The following KSR1 variants were observed in gnomAD, a reference collection of about 807,000 sequenced individuals.
KSR1 encodes kinase suppressor of ras 1.
A neutral mutation model predicts 92.9 loss-of-function variants in KSR1; 35 were observed. The ratio of observed to expected loss-of-function variants is 0.38; its 90% CI spans 0.29 to 0.50. The LOEUF is 0.50. Among genes scored for constraint, KSR1 ranks in the 20% least tolerant of loss-of-function variants. KSR1 has a pLI of 0.94. For missense variants in KSR1, 972 were observed against 1,158.5 expected (o/e 0.84, Z 2.34); for synonymous variants, 467 against 472.6 (o/e 0.99, Z 0.15).
intron 20 of KSR1, chr17:27,622,051 C>T (rs2074238629): frequency 1.1e-6 from 1 of 923,394 alleles, no homozygotes; most frequent in Admixed American, 1.9e-5. Context: ...GATGCCACCT[C>T]TGCTGCTCCA....
rs142770586 is a variant in KSR1 at position 27,621,350 on chromosome 17, C to T, written c.2708+77C>T. The T allele has an allele frequency of 9.4e-4, 374 of 398,208 alleles. 2 individuals carry two copies. Among genetic ancestry groups the T allele is most frequent in the Non-Finnish European group, 1.4e-3 (324 of 225,914 alleles). The allele number at this position is 398,208 out of a possible 1,614,324, so 24.7% of individuals were successfully genotyped here. ...ACAAGCCCTGCTTCCTTTCTGTCGC[C>T]GCTTCCCAGCTTCTCCCATCTTTGT... On this transcript the variant is annotated intron_variant, in intron 20 of 20. Coordinates refer to ENST00000644974, the MANE Select transcript of KSR1 (RefSeq NM_001394583.1).
rs186819864 is a variant in KSR1, at chr17:27,529,398, C to T, written c.232-21170C>T. The stretch of plus-strand genomic sequence containing the variant: ...ACTTCCGTGAATAGGCTTATGCTTA[C>T]ACTTAATTGTTTCTTTAGGATAAAT... On this transcript the variant is annotated intron_variant, in intron 1 of 20. Coordinates refer to ENST00000644974, the MANE Select transcript of KSR1 (RefSeq NM_001394583.1). Among the ~76,000 whole-genome samples the T allele has an allele frequency of 3.3e-5, 5 of 152,334 alleles. No individual in the cohort carries two copies. The East Asian group carries it at 5.8e-4, about 18-fold the overall frequency.
At chr17:27,485,244 G>A (rs2068631293) in intron 1 of KSR1, among the ~76,000 whole-genome samples, 1 of 152,206 alleles carries the variant, frequency 6.6e-6, no homozygotes, top group Admixed American at 6.5e-5. Context: ...GTGTCCACAT[G>A]TGGGCTGATG....
At chr17:27,579,844 C>A (rs1391979210) in intron 3 of KSR1, 1 of 121,528 alleles carries the variant, frequency 8.2e-6, no homozygotes, top group African/African-American at 3.2e-5. Flanking sequence ...CCACTGCACT[C>A]CAGCCTTGGT....
chr17:27,558,948 C>G (rs2071716329), intron 2 of KSR1, among the ~76,000 whole-genome samples: 1 of 152,106 alleles, frequency 6.6e-6, no homozygotes, highest in African/African-American at 2.4e-5. Flanking sequence ...TGATTTTTCC[C>G]TTAGGAAAAC....
At chr17:27,512,967 C>T (rs2069656363) in intron 1 of KSR1, among the ~76,000 whole-genome samples, 1 of 152,180 alleles carries the variant, frequency 6.6e-6, no homozygotes. Flanking sequence ...TCTTCTCTTA[C>T]TGCCACGCAC....
intron 2 of KSR1, chr17:27,560,367 G>A (rs753702377): frequency 5.6e-5 from 29 of 517,542 alleles, no homozygotes; most frequent in Admixed American, 2.3e-4. Flanking sequence ...GGGTGCTGCA[G>A]AGTCTGGGAT....
chr17:27,550,509 C>T (rs1191418904), intron 1 of KSR1, 59 bp from the exon 2 acceptor site: 4 of 754,774 alleles, frequency 5.3e-6, no homozygotes, highest in South Asian at 1.4e-5. Context: ...TGTGCTTGGG[C>T]CTGCCATATG....
chr17:27,592,661 G>T (rs372874289), intron 9 of KSR1, 35 bp downstream of exon 9: 2 of 1,563,086 alleles, frequency 1.3e-6, no homozygotes, highest in Non-Finnish European at 1.7e-6. Context: ...ACGCCCTTCT[G>T]CCACTGGCCT....
chr17:27,604,244 G>A (rs1441078653), intron 12 of KSR1, among the ~76,000 whole-genome samples: 3 of 152,146 alleles, frequency 2.0e-5, no homozygotes, highest in Non-Finnish European at 2.9e-5. Flanking sequence ...CACCCTCAGC[G>A]CGGTGGTAGG....
At chr17:27,585,592 G>A (rs377737655) in intron 4 of KSR1, 65 bp from the exon 5 acceptor site, 8 of 730,102 alleles carry the variant, frequency 1.1e-5, no homozygotes, top group Non-Finnish European at 1.8e-5. Flanking sequence ...CAAGGGTAGT[G>A]TTCTAGGAAC....
At chr17:27,571,357 C>T (rs556115874) in intron 2 of KSR1, among the ~76,000 whole-genome samples, 1 of 152,354 alleles carries the variant, frequency 6.6e-6, no homozygotes, top group East Asian at 1.9e-4. Context: ...CTCCATGAGC[C>T]CCAATGGTGG....
chr17:27,475,543 G>T lies in KSR1; in HGVS notation c.231+18669G>T, dbSNP rs1456549958. Among the ~76,000 whole-genome samples, 5 of 152,138 alleles carry T rather than the reference G, an allele frequency of 3.3e-5. No homozygotes were observed. In the East Asian group the frequency reaches 7.7e-4, roughly 23 times the overall value. On this transcript the variant is annotated intron_variant, in intron 1 of 20. Transcript: ENST00000644974. ...TGGGTGAGCCATGTTTATTCATCCA[G>T]CAGCTTTTACAGAGCTCCCACGGCA...
intron 1 of KSR1, among the ~76,000 whole-genome samples, chr17:27,487,078 T>C (rs145414705): frequency 6.6e-6 from 1 of 152,180 alleles, no homozygotes; most frequent in Non-Finnish European, 1.5e-5. Context: ...ACCTCCCTTA[T>C]ACTGTGTTAG....
chr17:27,508,362 A>G (rs148873169), intron 1 of KSR1, among the ~76,000 whole-genome samples: 1 of 152,228 alleles, frequency 6.6e-6, no homozygotes, highest in Non-Finnish European at 1.5e-5. Flanking sequence ...GGGAACTTTT[A>G]TCATCCCTCT....
chr17:27,552,673 T>TG (rs1021626194), intron 2 of KSR1, among the ~76,000 whole-genome samples: 2 of 152,218 alleles, frequency 1.3e-5, no homozygotes, highest in Non-Finnish European at 2.9e-5. Flanking sequence ...ATTTCTTAGA[T>TG]GCAGTAGCAC....
intron 1 of KSR1, among the ~76,000 whole-genome samples, chr17:27,499,829 A>G (rs2069114040): frequency 6.6e-6 from 1 of 152,260 alleles, no homozygotes; most frequent in African/African-American, 2.4e-5. Context: ...CCACCACCAA[A>G]GCAGAGGGGG....
chr17:27,590,103 G>C (rs1324735321), intron 6 of KSR1, among the ~76,000 whole-genome samples: 2 of 152,200 alleles, frequency 1.3e-5, no homozygotes, highest in Non-Finnish European at 2.9e-5. Flanking sequence ...ATACCATCCA[G>C]ATGAAGATGA....
chr17:27,483,355 A>G (rs1229338112), intron 1 of KSR1, among the ~76,000 whole-genome samples: 3 of 152,212 alleles, frequency 2.0e-5, no homozygotes, highest in African/African-American at 7.2e-5. Flanking sequence ...TGGGAGGCCA[A>G]GACGGGTGGA....
Sources: gnomAD v4.1 joint callset for allele counts (sites outside exome capture counted in the v4.1 genomes callset) on GRCh38, gnomAD v4.1.1 for gene constraint, MANE v1.5 for transcripts, NCBI Gene and HGNC (gene_info 2026-07-23, HGNC 2026-07-21) for gene names.